The following RP1 variants were observed in gnomAD, a reference collection of about 807,000 sequenced individuals.
RP1 encodes the protein RP1 axonemal microtubule associated.
Under a neutral mutation model 14.8 loss-of-function variants are expected in RP1, and 16 were observed. The observed-to-expected ratio is 1.08, with a 90% CI of 0.73 to 1.65. The LOEUF (loss-of-function observed/expected upper bound fraction) is 1.65, where lower values mean the gene tolerates loss of function less well. Ranked by LOEUF, RP1 falls within the 40% of genes most tolerant of loss-of-function variation. RP1 has a pLI of 0.00. For synonymous variants in RP1, 876 were observed against 883.6 expected, an observed-to-expected ratio of 0.99 and a Z score of 0.15; for missense variants, 2,631 against 2,535.0, an observed-to-expected ratio of 1.04 and a Z score of -0.81.
intron 1 of RP1, among the ~76,000 whole-genome samples, chr8:54,580,732 C>T (rs562878660): frequency 6.6e-6 from 1 of 151,978 alleles, no homozygotes; most frequent in East Asian, 1.9e-4. Context: ...GATTCTCCTG[C>T]CCCAGCCTCC....
At chr8:54,810,519 C>T (rs1810965635) in intron 24 of RP1, among the ~76,000 whole-genome samples, 1 of 152,094 alleles carries the variant, frequency 6.6e-6, no homozygotes, top group South Asian at 2.1e-4. Context: ...TGAAACTCAC[C>T]ATATATTGAA....
chr8:54,614,985 C>G (rs1805682468), upstream of RP1, among the ~76,000 whole-genome samples: 1 of 152,176 alleles, frequency 6.6e-6, no homozygotes, highest in Non-Finnish European at 1.5e-5. Flanking sequence ...TGATCCCAAA[C>G]TTTTTGAATT....
intron 23 of RP1, among the ~76,000 whole-genome samples, chr8:54,782,709 A>G (rs1395343270): frequency 1.3e-5 from 2 of 152,110 alleles, no homozygotes; most frequent in Non-Finnish European, 2.9e-5. Flanking sequence ...TGGGTTGATG[A>G]TGTAGTTTCC....
At chr8:54,696,968 G>A in intron 12 of RP1, 3 of 1,292,458 alleles carry the variant, frequency 2.3e-6, no homozygotes, top group Non-Finnish European at 3.3e-6. Context: ...CCTCATTCAT[G>A]AAATTGCCTT....
chr8:54,617,776 C>T (rs923710621), intron 1 of RP1, among the ~76,000 whole-genome samples: 1 of 152,204 alleles, frequency 6.6e-6, no homozygotes, highest in Non-Finnish European at 1.5e-5. Flanking sequence ...CTGTGAACTT[C>T]CCATGGACTC....
chr8:54,712,282 G>GA (rs1187511885), intron 15 of RP1, among the ~76,000 whole-genome samples: 1 of 152,190 alleles, frequency 6.6e-6, no homozygotes, highest in Non-Finnish European at 1.5e-5. Flanking sequence ...GGGTCTGGGA[G>GA]ACCGTCCTGC....
At chr8:54,802,865 G>A (rs1360958995) in intron 24 of RP1, among the ~76,000 whole-genome samples, 1 of 152,178 alleles carries the variant, frequency 6.6e-6, no homozygotes, top group African/African-American at 2.4e-5. Flanking sequence ...CTTGGGATTG[G>A]ATGAAACAAA....
Position 54,651,405 on chromosome 8 carries a change from T to C in RP1, c.952-1375T>C, listed in dbSNP as rs181725034. On this transcript the variant is annotated intron_variant, in intron 4 of 22. Coordinates refer to the RP1 transcript ENST00000636932. Reference sequence around the variant, plus strand: ...TGAAGCCTTCTGTCCTAGGTTTTTTTTTCTTGGGAGGTTTTTGATTACTGA... The same window carrying C: ...TGAAGCCTTCTGTCCTAGGTTTTTTCTTCTTGGGAGGTTTTTGATTACTGA... Among the ~76,000 whole-genome samples the C allele has an allele frequency of 1.2e-4, 19 of 152,258 alleles. No homozygotes were observed. The East Asian group carries it at 3.7e-3, about 29-fold the overall frequency.
intron 16 of RP1, chr8:54,720,445 G>A: frequency 2.6e-6 from 2 of 766,042 alleles, no homozygotes; most frequent in Non-Finnish European, 4.0e-6. Flanking sequence ...CAGAAGCAAT[G>A]GAAGGAAAAC....
chr8:54,822,710 G>A (rs1811286913), intron 24 of RP1, among the ~76,000 whole-genome samples: 1 of 152,158 alleles, frequency 6.6e-6, no homozygotes. Context: ...GAGAAAGCAG[G>A]TATTACACCA....
chr8:54,796,406 T>C (rs962715224), intron 24 of RP1, among the ~76,000 whole-genome samples: 3 of 152,156 alleles, frequency 2.0e-5, no homozygotes, highest in African/African-American at 7.2e-5. Flanking sequence ...TTGAATTGTG[T>C]TCCTCTAGAA....
chr8:54,657,682 AT>A (rs1164072605), intron 6 of RP1, among the ~76,000 whole-genome samples: 2 of 152,150 alleles, frequency 1.3e-5, no homozygotes, highest in African/African-American at 4.8e-5. Context: ...TTTTTGCTAT[AT>A]TTTATTCCTT....
At chr8:54,714,585 C>G (rs1361922814) in intron 15 of RP1, among the ~76,000 whole-genome samples, 2 of 152,146 alleles carry the variant, frequency 1.3e-5, no homozygotes, top group Non-Finnish European at 1.5e-5. Context: ...CCCAACCAAT[C>G]AGCAGCATTC....
At chr8:54,655,877 G>T (rs1806744622) in intron 5 of RP1, among the ~76,000 whole-genome samples, 2 of 135,678 alleles carry the variant, frequency 1.5e-5, no homozygotes, top group African/African-American at 2.7e-5. Flanking sequence ...TAAATAAATA[G>T]AAATAGGAAG....
intron 3 of RP1, among the ~76,000 whole-genome samples, chr8:54,638,580 G>C (rs1028034485): frequency 1.3e-5 from 2 of 151,862 alleles, no homozygotes; most frequent in African/African-American, 4.8e-5. Context: ...AAAGTACTAA[G>C]CCATTCTCAT....
intron 1 of RP1, among the ~76,000 whole-genome samples, chr8:54,594,970 A>G (rs2129302271): frequency 6.6e-6 from 1 of 152,286 alleles, no homozygotes; most frequent in South Asian, 2.1e-4. Flanking sequence ...TAAGGTAAAA[A>G]TCTCAAGTCA....
intron 3 of RP1, among the ~76,000 whole-genome samples, chr8:54,639,842 A>G (rs1806422973): frequency 6.6e-6 from 1 of 152,208 alleles, no homozygotes; most frequent in Non-Finnish European, 1.5e-5. Flanking sequence ...ATAATACAAT[A>G]TACAATATAT....
intron 1 of RP1, among the ~76,000 whole-genome samples, chr8:54,595,719 T>C (rs142768134): frequency 2.0e-5 from 3 of 152,364 alleles, no homozygotes; most frequent in African/African-American, 7.2e-5. Context: ...TTGTTTTAAA[T>C]AATTAGAAAT....
intron 12 of RP1, among the ~76,000 whole-genome samples, chr8:54,694,594 A>G (rs889869956): frequency 1.3e-5 from 2 of 152,132 alleles, no homozygotes; most frequent in African/African-American, 4.8e-5. Context: ...TAGATTTTCT[A>G]GTTTATTTGC....
Sources: gnomAD v4.1 joint callset for allele counts (sites outside exome capture counted in the v4.1 genomes callset) on GRCh38, gnomAD v4.1.1 for gene constraint, MANE v1.5 for transcripts, NCBI Gene and HGNC (gene_info 2026-07-23, HGNC 2026-07-21) for gene names.